Variants in ERBB4 observed in about 807,000 individuals in gnomAD.
ERBB4 encodes erb-b2 receptor tyrosine kinase 4, also known as receptor tyrosine-protein kinase erbB-4.
ERBB4 carries 42 observed loss-of-function variants against 158.0 expected under a neutral mutation model. That is an observed-to-expected ratio of 0.27 (90% CI 0.21 to 0.34). The LOEUF is 0.34. ERBB4 is among the 10% of genes least tolerant of loss of function. The pLI is 1.00. For missense variants in ERBB4, 1,333 were observed against 1,624.1 expected (o/e 0.82, Z 3.08); for synonymous variants, 583 against 558.7 (o/e 1.04, Z -0.61).
chr2:212,342,982 T>C lies in ERBB4; in HGVS notation c.82+195467A>G, dbSNP rs144511487. On this transcript the variant is annotated intron_variant, in intron 1 of 27. Coordinates refer to ENST00000342788, the MANE Select transcript of ERBB4 (RefSeq NM_005235.3). ...TTAATGTTTAACTCAAGAATTTCTA[T>C]ATTTTTCTCCTTGTCAAGTAACTCT... Among the ~76,000 whole-genome samples, 6 of 152,320 alleles carry C rather than the reference T, an allele frequency of 3.9e-5. No homozygotes were observed. In the East Asian group the frequency reaches 1.2e-3, roughly 29 times the overall value.
At chr2:212,255,359 T>G (rs573799253) in intron 1 of ERBB4, among the ~76,000 whole-genome samples, 1 of 152,326 alleles carries the variant, frequency 6.6e-6, no homozygotes, top group African/African-American at 2.4e-5. Flanking sequence ...ATTTTCTAAC[T>G]AATGTAACTC....
intron 5 of ERBB4, among the ~76,000 whole-genome samples, chr2:211,734,929 A>G (rs894394232): frequency 6.6e-6 from 1 of 151,232 alleles, no homozygotes; most frequent in Non-Finnish European, 1.5e-5. Context: ...AAAAAAAAAA[A>G]AAGACGGATT....
chr2:211,637,813 A>G (rs2070416909), intron 16 of ERBB4, among the ~76,000 whole-genome samples: 1 of 152,000 alleles, frequency 6.6e-6, no homozygotes, highest in Non-Finnish European at 1.5e-5. Context: ...CATTTTATGT[A>G]TTGGAGTCTC....
At chr2:212,055,310 T>A (rs1390685045) in intron 2 of ERBB4, among the ~76,000 whole-genome samples, 4 of 152,202 alleles carry the variant, frequency 2.6e-5, no homozygotes, top group Non-Finnish European at 5.9e-5. Context: ...AAGCTCGAAC[T>A]GGGTGGAGCC....
intron 2 of ERBB4, among the ~76,000 whole-genome samples, chr2:212,078,779 T>A (rs2078346997): frequency 6.6e-6 from 1 of 151,506 alleles, no homozygotes; most frequent in Non-Finnish European, 1.5e-5. Context: ...TTAATATAAT[T>A]AAAACAATCA....
rs867810060 is a variant in ERBB4, at chr2:211,913,137, A to G, written c.421+34293T>C. 1.3e-4 allele frequency among the ~76,000 whole-genome samples: 20 copies of G among 152,268 alleles called. 1 individual carries two copies. The highest frequency in any genetic ancestry group is 3.4e-3 in the Middle Eastern group (1 of 294). On this transcript the variant is annotated intron_variant, in intron 3 of 27. Coordinates refer to ENST00000342788, the MANE Select transcript of ERBB4 (RefSeq NM_005235.3). ...GTGTATACCTTTCTCCTGTTAATCA[A>G]TCTGCCTCTTGTCAGTGATTTTTCA... is the stretch of plus-strand genomic sequence containing the variant.
chr2:211,676,997 T>C (rs1345039063), intron 13 of ERBB4, among the ~76,000 whole-genome samples: 1 of 152,146 alleles, frequency 6.6e-6, no homozygotes, highest in Non-Finnish European at 1.5e-5. Flanking sequence ...CAAAATTAAA[T>C]GCTAAAATTT....
intron 1 of ERBB4, among the ~76,000 whole-genome samples, chr2:212,327,728 C>CT (rs11413473): frequency 0.86 from 115,105 of 133,374 alleles, 49,998 homozygotes; most frequent in Non-Finnish European, 0.93. Context: ...TTCTTTTTTT[C>CT]TTTTTTTTTT....
chr2:212,118,582 A>G (rs985396300), intron 2 of ERBB4, among the ~76,000 whole-genome samples: 9 of 152,146 alleles, frequency 5.9e-5, no homozygotes, highest in African/African-American at 1.9e-4. Context: ...ATATCCTAAT[A>G]AAAGAGGATG....
chr2:212,524,156 T>C (rs996127898), intron 1 of ERBB4, among the ~76,000 whole-genome samples: 5 of 152,050 alleles, frequency 3.3e-5, no homozygotes, highest in African/African-American at 1.2e-4. Flanking sequence ...TGTTGTAATA[T>C]GAAATTTAAA....
At chr2:211,869,947 T>C (rs986875600) in intron 3 of ERBB4, among the ~76,000 whole-genome samples, 1 of 152,282 alleles carries the variant, frequency 6.6e-6, no homozygotes, top group Non-Finnish European at 1.5e-5. Context: ...TATAATTACC[T>C]TGAGAGCTGC....
At chr2:212,051,906 T>C (rs2077409870) in intron 2 of ERBB4, among the ~76,000 whole-genome samples, 1 of 152,198 alleles carries the variant, frequency 6.6e-6, no homozygotes, top group South Asian at 2.1e-4. Context: ...AGAGTCAGAT[T>C]GAGGTTCAGA....
intron 1 of ERBB4, among the ~76,000 whole-genome samples, chr2:212,307,021 C>T (rs2086834721): frequency 1.3e-5 from 2 of 151,070 alleles, no homozygotes; most frequent in South Asian, 4.2e-4. Context: ...AAATGAAAGG[C>T]CAAATTATCA....
At chr2:211,638,314 A>C (rs191031596) in intron 16 of ERBB4, among the ~76,000 whole-genome samples, 63 of 152,256 alleles carry the variant, frequency 4.1e-4, no homozygotes, top group Middle Eastern at 3.4e-3. Flanking sequence ...AAACACCAGG[A>C]AACATTGAAA....
intron 1 of ERBB4, among the ~76,000 whole-genome samples, chr2:212,479,224 A>G (rs1689559296): frequency 6.6e-6 from 1 of 152,126 alleles, no homozygotes; most frequent in Non-Finnish European, 1.5e-5. Flanking sequence ...TCTTCCTGCC[A>G]TGTTGACAGA....
intron 19 of ERBB4, among the ~76,000 whole-genome samples, chr2:211,573,983 A>G (rs2067818226): frequency 6.6e-6 from 1 of 152,246 alleles, no homozygotes; most frequent in African/African-American, 2.4e-5. Flanking sequence ...TTTGGTAAGT[A>G]ACATATATAT....
At chr2:212,326,540 C>T (rs1267115435) in intron 1 of ERBB4, among the ~76,000 whole-genome samples, 1 of 150,808 alleles carries the variant, frequency 6.6e-6, no homozygotes, top group African/African-American at 2.4e-5. Flanking sequence ...AAGCTCCTTA[C>T]ATATTTTCGC....
chr2:212,378,843 T>C (rs892815947), intron 1 of ERBB4, among the ~76,000 whole-genome samples: 1 of 151,854 alleles, frequency 6.6e-6, no homozygotes, highest in Non-Finnish European at 1.5e-5. Context: ...GTAGTAGGCA[T>C]TGCCATTTAT....
chr2:211,666,988 T>C (rs1357344574), intron 14 of ERBB4, among the ~76,000 whole-genome samples: 1 of 152,054 alleles, frequency 6.6e-6, no homozygotes, highest in Non-Finnish European at 1.5e-5. Context: ...GTACCTTATA[T>C]CCTAAACCAG....
Sources: allele counts gnomAD v4.1 joint callset (sites outside exome capture counted in the v4.1 genomes callset), GRCh38; gene constraint gnomAD v4.1.1; transcripts MANE v1.5; gene names NCBI Gene and HGNC (gene_info 2026-07-23, HGNC 2026-07-21).